Variants in MPRIP observed in about 807,000 individuals in gnomAD.
MPRIP encodes myosin phosphatase Rho-interacting protein.
A neutral mutation model predicts 234.9 loss-of-function variants in MPRIP; 59 were observed. That is an observed-to-expected ratio of 0.25 (90% CI 0.20 to 0.31). The LOEUF (loss-of-function observed/expected upper bound fraction) is 0.31, where lower values mean the gene tolerates loss of function less well. Ranked by LOEUF, MPRIP falls within the 10% of genes least tolerant of loss-of-function variation. The pLI is 1.00. For missense variants in MPRIP, 2,436 were observed against 3,071.0 expected (o/e 0.79, Z 4.89); for synonymous variants, 1,144 against 1,263.9 (o/e 0.91, Z 2.01).
At chr17:17,083,579 A>G (rs1033312691) in intron 3 of MPRIP, among the ~76,000 whole-genome samples, 47 of 152,144 alleles carry the variant, frequency 3.1e-4, no homozygotes, top group Non-Finnish European at 5.1e-4. Flanking sequence ...TTTAGGATCT[A>G]TCATTTGAGG....
chr17:17,179,783 CACATACA>C (rs2046334563), intron 22 of MPRIP, among the ~76,000 whole-genome samples: 1 of 152,184 alleles, frequency 6.6e-6, no homozygotes, highest in African/African-American at 2.4e-5. Flanking sequence ...GGCGGGGCCC[CACATACA>C]CATTCTCCCA....
At chr17:17,137,833 A>C in intron 6 of MPRIP, 83 bp from the exon 7 acceptor site, 1 of 1,330,204 alleles carries the variant, frequency 7.5e-7, no homozygotes, top group South Asian at 1.5e-5. Flanking sequence ...CTTGGATCCT[A>C]CATGGGCTTT....
In MPRIP at chr17:17,167,885, G is replaced by A. The variant is rs1422001192; in HGVS notation, c.6294G>A (p.Glu2098=). The A allele has an allele frequency of 1.5e-6, 2 of 1,303,878 alleles. No individual in the cohort carries two copies. Among genetic ancestry groups the A allele is most frequent in the African/African-American group, 1.5e-5 (1 of 65,878 alleles). The allele number at this position is 1,303,878 out of a possible 1,614,324, so 80.8% of individuals were successfully genotyped here. A position where few individuals can be genotyped will look rare whatever the true frequency, so the allele number is the denominator to read the frequency against. ...DLEGDAATLR[E]KYQRDLESLK... is the part of the protein sequence containing the mutation. ...AGGGCGACGCGGCCACACTGCGTGAGAAGTACCAGAGGGACTTGGAGAGCC... is the reference window on the plus strand; with the variant it reads ...AGGGCGACGCGGCCACACTGCGTGAAAAGTACCAGAGGGACTTGGAGAGCC... The change falls in exon 16 of 24, where the codon GAG becomes GAA. Residue 2098 remains glutamate, a synonymous_variant. Transcript: ENST00000651222. The surrounding 1 kb of genome is among the most constrained non-coding windows in gnomAD (Gnocchi z 5.9).
intron 3 of MPRIP, among the ~76,000 whole-genome samples, chr17:17,100,141 C>T (rs1197685595): frequency 6.6e-6 from 1 of 152,132 alleles, no homozygotes; most frequent in Non-Finnish European, 1.5e-5. Flanking sequence ...TAGAAGGGTA[C>T]AGATTTAGAA....
chr17:17,109,151 G>A (rs1567720162), intron 3 of MPRIP, among the ~76,000 whole-genome samples: 1 of 152,206 alleles, frequency 6.6e-6, no homozygotes, highest in African/African-American at 2.4e-5. Context: ...TCATGCTGAA[G>A]GTATAAAATA....
chr17:17,165,621 A>T lies in MPRIP; in HGVS notation c.4030A>T (p.Ser1344Cys). 1.5e-6 allele frequency: 2 copies of T among 1,304,966 alleles called. No homozygotes were observed. The highest frequency in any genetic ancestry group is 2.0e-6 in the Non-Finnish European group (2 of 989,050). 80.8% of individuals were successfully genotyped at this position (1,304,966 alleles called of 1,614,324 possible). ...HPEGSEKTWT[S>C]STSSDTSQDR... ...CGAAGGGTCTGAGAAGACCTGGACCAGCAGCACATCTTCCGACACCAGCCA... is the reference window on the plus strand; with the variant it reads ...CGAAGGGTCTGAGAAGACCTGGACCTGCAGCACATCTTCCGACACCAGCCA... The change falls in exon 16 of 24, where the codon AGC (serine) becomes TGC (cysteine). Residue 1344 changes from serine (S) to cysteine (C), a missense_variant. Physicochemically the swap from Ser to Cys is moderately radical, Grantham distance 112. Coordinates refer to ENST00000651222, the MANE Select transcript of MPRIP (RefSeq NM_001364716.4).
chr17:17,077,713 A>G, intron 2 of MPRIP: 1 of 373,274 alleles, frequency 2.7e-6, no homozygotes, highest in Non-Finnish European at 5.0e-6. Flanking sequence ...CAAAAAGGTA[A>G]CCACACGTTG....
Position 17,174,087 on chromosome 17 carries a change from G to A in MPRIP, c.6750+12G>A, listed in dbSNP as rs2046203585. 3 of 1,612,388 alleles carry A rather than the reference G, an allele frequency of 1.9e-6. No homozygotes were observed. Among genetic ancestry groups the A allele is most frequent in the Non-Finnish European group, 2.5e-6 (3 of 1,179,366 alleles). Reference sequence around the variant, plus strand: ...ATGCCCACAACCAGGTGAGCCTGCAGCCAGGTGAGCCCAAGGTTAGTCAGG... The same window carrying A: ...ATGCCCACAACCAGGTGAGCCTGCAACCAGGTGAGCCCAAGGTTAGTCAGG... On this transcript the variant is annotated intron_variant, in intron 19 of 23. Transcript: ENST00000651222.
At chr17:17,074,073 G>A (rs147966865) in intron 1 of MPRIP, among the ~76,000 whole-genome samples, 1 of 152,348 alleles carries the variant, frequency 6.6e-6, no homozygotes, top group African/African-American at 2.4e-5. Context: ...CCTCTGGCAC[G>A]TGGCCTGCCC....
intron 23 of MPRIP, chr17:17,181,411 C>T (rs182556634): frequency 6.6e-6 from 1 of 152,528 alleles, no homozygotes; most frequent in African/African-American, 2.4e-5. Context: ...ACACCCACAG[C>T]ACCCCGCCGT....
intron 5 of MPRIP, 81 bp from the exon 6 acceptor site, chr17:17,136,138 T>C: frequency 6.6e-7 from 1 of 1,524,176 alleles, no homozygotes; most frequent in Admixed American, 1.7e-5. Flanking sequence ...GTGCCCCCTA[T>C]AGCTAGGCAG....
chr17:17,114,562 C>T (rs1383529915), intron 3 of MPRIP, among the ~76,000 whole-genome samples: 1 of 152,126 alleles, frequency 6.6e-6, no homozygotes, highest in African/African-American at 2.4e-5. Context: ...GAGGTATCTG[C>T]TCCATTTCAA....
rs776527858 is a variant in MPRIP at position 17,172,691 on chromosome 17, C to T, written c.6473-7C>T. 3 of 1,609,284 alleles carry T rather than the reference C, an allele frequency of 1.9e-6. No homozygotes were observed. Among genetic ancestry groups the T allele is most frequent in the South Asian group, 1.1e-5 (1 of 90,956 alleles). On this transcript the variant is annotated splice_polypyrimidine_tract_variant and splice_region_variant and intron_variant, in intron 17 of 23. Transcript: ENST00000651222. ...CCTCGGTGCTGAGGCCGTGTCCTTGCCTGCAGCCATCGAAGCCATGAAGAA... is the reference window on the plus strand; with the variant it reads ...CCTCGGTGCTGAGGCCGTGTCCTTGTCTGCAGCCATCGAAGCCATGAAGAA...
At chr17:17,050,895 A>G (rs1272590412) in intron 1 of MPRIP, among the ~76,000 whole-genome samples, 1 of 152,190 alleles carries the variant, frequency 6.6e-6, no homozygotes, top group Non-Finnish European at 1.5e-5. Flanking sequence ...TTCCAGTATT[A>G]TGTAATTGCA....
At chr17:17,155,692 C>T (rs1397191364) in intron 13 of MPRIP, among the ~76,000 whole-genome samples, 1 of 152,254 alleles carries the variant, frequency 6.6e-6, no homozygotes, top group African/African-American at 2.4e-5. Flanking sequence ...ATTAAACAAA[C>T]ACTGTCTAGT....
chr17:17,126,845 C>G lies in MPRIP; in HGVS notation c.411C>G (p.Ile137Met). ...TCATCCGGGCGGAGACCAAGGAGAT[C>G]GTCAGTGGGTGAGTATGCTGGCACT... Reference protein sequence around the residue: ...EHFIRAETKEIVSGWLEMLMV... With the variant: ...EHFIRAETKEMVSGWLEMLMV... The change falls in exon 4 of 24, where the codon ATC (isoleucine) becomes ATG (methionine). Residue 137 changes from isoleucine to methionine, a missense_variant. This residue lies in a region of MPRIP where 140 missense variants were observed against 207.3 expected (regional missense o/e 0.68). Transcript: ENST00000651222. The G allele has an allele frequency of 6.2e-7, 1 of 1,613,490 alleles. No individual in the cohort carries two copies. The highest frequency in any genetic ancestry group is 8.5e-7 in the Non-Finnish European group (1 of 1,179,620).
intron 16 of MPRIP, chr17:17,170,712 C>G (rs2046113885): frequency 6.6e-6 from 1 of 152,244 alleles, no homozygotes. Context: ...TTTTAAAACT[C>G]AGCGAGAGGC....
chr17:17,109,554 C>T (rs368385329), intron 3 of MPRIP, among the ~76,000 whole-genome samples: 79 of 152,292 alleles, frequency 5.2e-4, no homozygotes, highest in African/African-American at 1.8e-3. Flanking sequence ...AATAAAGATA[C>T]ATAAGGATAC....
chr17:17,165,215 G>C lies in MPRIP; in HGVS notation c.3624G>C (p.Lys1208Asn). Residue 1208 changes from lysine to asparagine, a missense_variant, in exon 16 of 24, where the codon AAG becomes AAC. Coordinates refer to ENST00000651222, the MANE Select transcript of MPRIP (RefSeq NM_001364716.4). ...LGSSLEETEI[K>N]LQAKEEILRK... Reference sequence around the variant, plus strand: ...GCAGCTTAGAGGAAACAGAAATTAAGCTCCAGGCAAAAGAAGAGATTTTAA... The same window carrying C: ...GCAGCTTAGAGGAAACAGAAATTAACCTCCAGGCAAAAGAAGAGATTTTAA... The C allele has an allele frequency of 7.7e-7, 1 of 1,304,142 alleles. No individual in the cohort carries two copies. Among genetic ancestry groups the C allele is most frequent in the South Asian group, 1.2e-5 (1 of 81,034 alleles). 80.8% of individuals were successfully genotyped at this position (1,304,142 alleles called of 1,614,324 possible).
Sources: allele counts gnomAD v4.1 joint callset (sites outside exome capture counted in the v4.1 genomes callset), GRCh38; gene constraint gnomAD v4.1.1; regional missense constraint gnomAD v4.1.1; non-coding constraint Gnocchi (gnomAD v3.1); transcripts MANE v1.5; gene names NCBI Gene and HGNC (gene_info 2026-07-23, HGNC 2026-07-21).